The following SULT1E1 variants were observed in gnomAD, a reference collection of about 807,000 sequenced individuals.
The protein encoded by SULT1E1 is sulfotransferase 1E1.
A neutral mutation model predicts 33.6 loss-of-function variants in SULT1E1; 36 were observed. That is an observed-to-expected ratio of 1.07 (90% CI 0.82 to 1.41). The LOEUF (loss-of-function observed/expected upper bound fraction) is 1.41. Ranked by LOEUF, SULT1E1 falls within the 40% of genes most tolerant of loss-of-function variation. SULT1E1 has a pLI of 0.00. For synonymous variants in SULT1E1, 121 were observed against 111.7 expected (o/e 1.08, Z -0.53); for missense variants, 371 against 345.7 (o/e 1.07, Z -0.58).
chr4:69,844,323 T>A lies in SULT1E1; in HGVS notation c.610A>T (p.Ile204Leu). ...DLKEDIRKEV[I>L]KLIHFLERKP... ...CTTTCCAGGAAATGTATCAATTTTA[T>A]CACCTCTTTTCTGATATCCTAGGGA... Residue 204 changes from isoleucine to leucine, a missense_variant, in exon 7 of 8, where the codon ATA becomes TTA. By Grantham distance (5) the Ile-to-Leu change is conservative. Transcript: ENST00000226444. The A allele has an allele frequency of 1.7e-5, 27 of 1,612,676 alleles. No homozygotes were observed. Among genetic ancestry groups the A allele is most frequent in the Non-Finnish European group, 2.3e-5 (27 of 1,179,050 alleles).
chr4:69,855,335 A>C lies in SULT1E1; in HGVS notation c.237T>G (p.Pro79=). 6.2e-7 allele frequency: 1 copy of C among 1,613,086 alleles called. No individual in the cohort carries two copies. The highest frequency in any genetic ancestry group is 8.5e-7 in the Non-Finnish European group (1 of 1,179,468). The change falls in exon 3 of 8, where the codon CCT becomes CCG. Residue 79 remains proline (P), a synonymous_variant. Coordinates refer to ENST00000226444, the MANE Select transcript of SULT1E1 (RefSeq NM_005420.3). ...CKEDVIFNRI[P]FLECRKENLM... Reference sequence around the variant, plus strand: ...GGTTTTCTTTTCTGCATTCCAGGAAAGGTATTCGATTAAAAATTACATCTT... The same window carrying C: ...GGTTTTCTTTTCTGCATTCCAGGAACGGTATTCGATTAAAAATTACATCTT...
At chr4:69,851,791 G>A (rs1721118155) in intron 4 of SULT1E1, among the ~76,000 whole-genome samples, 1 of 152,174 alleles carries the variant, frequency 6.6e-6, no homozygotes, top group Non-Finnish European at 1.5e-5. Context: ...ATACTATGCA[G>A]CCATAAAAAA....
At chr4:69,851,146 C>T (rs1159262863) in intron 4 of SULT1E1, among the ~76,000 whole-genome samples, 1 of 152,082 alleles carries the variant, frequency 6.6e-6, no homozygotes, top group Non-Finnish European at 1.5e-5. Context: ...AACTAAAGAG[C>T]TTCTGCACAG....
chr4:69,832,203 A>C, the SULT1E1 span, among the ~76,000 whole-genome samples: 1 of 151,918 alleles, frequency 6.6e-6, no homozygotes, highest in Admixed American at 6.6e-5. Flanking sequence ...GTTCTGTTGC[A>C]CTGTTAGGGG....
At chr4:69,824,568 G>A in the SULT1E1 span, among the ~76,000 whole-genome samples, 3 of 152,136 alleles carry the variant, frequency 2.0e-5, no homozygotes, top group Admixed American at 6.6e-5. Context: ...CCTAGTGAGA[G>A]GTGAAGCCAG....
At chr4:69,845,894 G>T (rs1014839549) in intron 6 of SULT1E1, among the ~76,000 whole-genome samples, 2 of 150,594 alleles carry the variant, frequency 1.3e-5, no homozygotes, top group Non-Finnish European at 3.0e-5. Flanking sequence ...ATTCAAATTT[G>T]ATCTAGTGTT....
At chr4:69,851,629 T>C (rs984661974) in intron 4 of SULT1E1, among the ~76,000 whole-genome samples, 1 of 152,300 alleles carries the variant, frequency 6.6e-6, no homozygotes, top group South Asian at 2.1e-4. Flanking sequence ...ACTGGGTATA[T>C]ACCCAAAGGA....
chr4:69,822,418 G>A, the SULT1E1 span, among the ~76,000 whole-genome samples: 1 of 151,990 alleles, frequency 6.6e-6, no homozygotes, highest in African/African-American at 2.4e-5. Context: ...ACCAGCCTGG[G>A]CAGCATAGCA....
the SULT1E1 span, among the ~76,000 whole-genome samples, chr4:69,822,433 C>A: frequency 6.6e-6 from 1 of 152,052 alleles, no homozygotes; most frequent in Non-Finnish European, 1.5e-5. Context: ...ATAGCAAGAC[C>A]CCATCTCTAC....
At chr4:69,821,256 C>T in the SULT1E1 span, among the ~76,000 whole-genome samples, 2 of 152,108 alleles carry the variant, frequency 1.3e-5, no homozygotes, top group Non-Finnish European at 2.9e-5. Flanking sequence ...CTACGTTTTT[C>T]ACACAATGTT....
At chr4:69,840,717 T>C (rs774715236), downstream of SULT1E1, among the ~76,000 whole-genome samples, 1 of 152,190 alleles carries the variant, frequency 6.6e-6, no homozygotes, top group Non-Finnish European at 1.5e-5. Flanking sequence ...GGAGTTAGAC[T>C]AAGGTAAATT....
chr4:69,834,747 A>C, the SULT1E1 span, among the ~76,000 whole-genome samples: 2 of 152,204 alleles, frequency 1.3e-5, no homozygotes, highest in African/African-American at 2.4e-5. Context: ...AAGAGCAGAA[A>C]GATATCCTTA....
chr4:69,852,970 G>C (rs1157235813), intron 4 of SULT1E1, among the ~76,000 whole-genome samples: 3 of 152,044 alleles, frequency 2.0e-5, no homozygotes, highest in Non-Finnish European at 2.9e-5. Flanking sequence ...CTTTACTAAT[G>C]AGACAGCCCT....
chr4:69,830,345 A>G, the SULT1E1 span, among the ~76,000 whole-genome samples: 1 of 152,218 alleles, frequency 6.6e-6, no homozygotes, highest in Non-Finnish European at 1.5e-5. Flanking sequence ...CATCTTCTGC[A>G]ATGTTTACCT....
rs1219797506 is a variant in SULT1E1 at position 69,841,244 on chromosome 4, C to G, written c.*750G>C. The G allele has an allele frequency of 6.6e-6, 1 of 152,024 alleles. No homozygotes were observed. The highest frequency in any genetic ancestry group is 2.4e-5 in the African/African-American group (1 of 41,366). The allele number at this position is 152,024 out of a possible 1,614,324, so 9.4% of individuals were successfully genotyped here. A position where few individuals can be genotyped will look rare whatever the true frequency, so the allele number is the denominator to read the frequency against. ...AAATGCTTGTTTATTTTTAATACAACTCTAACAAGATGAATAATCTGTGTT... is the reference window on the plus strand; with the variant it reads ...AAATGCTTGTTTATTTTTAATACAAGTCTAACAAGATGAATAATCTGTGTT... On this transcript the variant is annotated 3_prime_UTR_variant, in exon 8 of 8. Transcript: ENST00000226444.
At chr4:69,834,109 G>T in the SULT1E1 span, among the ~76,000 whole-genome samples, 10 of 151,948 alleles carry the variant, frequency 6.6e-5, no homozygotes, top group Non-Finnish European at 1.3e-4. Context: ...CCTACATATT[G>T]GTAATTATCC....
chr4:69,849,932 A>G lies in SULT1E1; in HGVS notation c.370-369T>C, dbSNP rs532194472. 3.1e-4 allele frequency among the ~76,000 whole-genome samples: 47 copies of G among 152,142 alleles called. 1 individual carries two copies. The highest frequency in any genetic ancestry group is 1.0e-3 in the African/African-American group (42 of 41,550). ...AATTTAGTGATAATATAGCATTGAG[A>G]GTAAATCAATGAGAGTAAACCATTT... On this transcript the variant is annotated intron_variant, in intron 4 of 7. Transcript: ENST00000226444.
At chr4:69,849,902 G>A (rs1425671415) in intron 4 of SULT1E1, among the ~76,000 whole-genome samples, 1 of 151,864 alleles carries the variant, frequency 6.6e-6, no homozygotes, top group East Asian at 1.9e-4. Context: ...AAGAGATTAA[G>A]CTGAAATTTA....
the SULT1E1 span, among the ~76,000 whole-genome samples, chr4:69,822,020 G>T: frequency 6.6e-6 from 1 of 152,162 alleles, no homozygotes. Flanking sequence ...GAATAACTTG[G>T]AAAAGCAAGA....
Sources: allele counts gnomAD v4.1 joint callset (sites outside exome capture counted in the v4.1 genomes callset), GRCh38; gene constraint gnomAD v4.1.1; transcripts MANE v1.5; gene names NCBI Gene and HGNC (gene_info 2026-07-23, HGNC 2026-07-21).